PRKCA: variants seen among roughly 807,000 people sequenced by gnomAD.
PRKCA encodes the protein protein kinase C alpha, also known as protein kinase C alpha type.
Under a neutral mutation model 87.0 loss-of-function variants are expected in PRKCA, and 27 were observed. The ratio of observed to expected loss-of-function variants is 0.31; its 90% CI spans 0.23 to 0.43. PRKCA has a LOEUF of 0.43. Among genes scored for constraint, PRKCA ranks in the 20% least tolerant of loss-of-function variants. PRKCA has a pLI of 1.00. For missense variants in PRKCA, 518 were observed against 852.3 expected (o/e 0.61, Z 4.88); for synonymous variants, 329 against 311.1 (o/e 1.06, Z -0.61).
At chr17:66,576,854 C>T (rs1013538224) in intron 3 of PRKCA, among the ~76,000 whole-genome samples, 3 of 145,852 alleles carry the variant, frequency 2.1e-5, no homozygotes, top group African/African-American at 7.7e-5. Context: ...TTGTTTTCTC[C>T]GTGGAAAATG....
At chr17:66,739,574 C>A (rs941817206) in intron 11 of PRKCA, among the ~76,000 whole-genome samples, 2 of 152,092 alleles carry the variant, frequency 1.3e-5, no homozygotes, top group African/African-American at 4.8e-5. Context: ...TAGAGACTTG[C>A]GCAGGATACC....
intron 13 of PRKCA, among the ~76,000 whole-genome samples, chr17:66,768,375 C>T (rs1200748606): frequency 6.6e-6 from 1 of 152,088 alleles, no homozygotes; most frequent in Admixed American, 6.5e-5. Context: ...GCATGAGCCA[C>T]TGTGCCTTTC....
intron 3 of PRKCA, among the ~76,000 whole-genome samples, 181 bp from the exon 4 acceptor site, chr17:66,641,174 A>G (rs1971286705): frequency 6.6e-6 from 1 of 151,084 alleles, no homozygotes; most frequent in Non-Finnish European, 1.5e-5. Flanking sequence ...AACAGTAAAT[A>G]TCTAAAATAT....
rs550421508 is a variant in PRKCA at position 66,458,594 on chromosome 17, C to T, written c.206-37607C>T. ...TTCCTGGGCTCAAGCAATCCTCTTGCTTCAGCCTCCCAAGTAGCTGAGACT... is the reference window on the plus strand; with the variant it reads ...TTCCTGGGCTCAAGCAATCCTCTTGTTTCAGCCTCCCAAGTAGCTGAGACT... On this transcript the variant is annotated intron_variant, in intron 2 of 16. Coordinates refer to ENST00000413366, the MANE Select transcript of PRKCA (RefSeq NM_002737.3). Among the ~76,000 whole-genome samples the T allele has an allele frequency of 6.5e-4, 99 of 152,150 alleles. 3 individuals carry two copies. The East Asian group carries it at 0.018, about 27-fold the overall frequency.
intron 8 of PRKCA, among the ~76,000 whole-genome samples, chr17:66,727,358 A>G (rs1973781020): frequency 6.6e-6 from 1 of 152,120 alleles, no homozygotes; most frequent in Non-Finnish European, 1.5e-5. Flanking sequence ...TCCCAGAAAA[A>G]GGTGGAGATT....
intron 5 of PRKCA, among the ~76,000 whole-genome samples, chr17:66,646,257 G>T (rs757319554): frequency 5.3e-5 from 8 of 152,140 alleles, no homozygotes; most frequent in Non-Finnish European, 1.2e-4. Flanking sequence ...TTCTGGGTGG[G>T]CTCTGCCACA....
intron 5 of PRKCA, among the ~76,000 whole-genome samples, chr17:66,650,034 A>T (rs1971551379): frequency 6.6e-6 from 1 of 152,244 alleles, no homozygotes. Context: ...ATAAGCCATC[A>T]CATGCAGAGT....
At chr17:66,713,567 T>C (rs569089509) in intron 8 of PRKCA, among the ~76,000 whole-genome samples, 66 of 152,326 alleles carry the variant, frequency 4.3e-4, no homozygotes, top group African/African-American at 1.5e-3. Context: ...TTGGTGCTTA[T>C]TATGTTTCCT....
rs891907869 is a variant in PRKCA, at chr17:66,391,762, G to A, written c.205+85635G>A. Among the ~76,000 whole-genome samples, 5 of 152,194 alleles carry A rather than the reference G, an allele frequency of 3.3e-5. No individual in the cohort carries two copies. In the South Asian group the frequency reaches 8.3e-4, roughly 25 times the overall value. The stretch of plus-strand genomic sequence containing the variant: ...GCAATGAACACTTGGGTATTCCTCT[G>A]TCTGGATCCAGCAACTGTTAACAAC... On this transcript the variant is annotated intron_variant, in intron 2 of 16. Coordinates refer to ENST00000413366, the MANE Select transcript of PRKCA (RefSeq NM_002737.3).
chr17:66,713,231 T>C lies in PRKCA; in HGVS notation c.919-19457T>C, dbSNP rs118171736. Among the ~76,000 whole-genome samples the C allele has an allele frequency of 3.0e-3, 454 of 152,104 alleles. 16 individuals are homozygous for C. In the East Asian group the frequency reaches 0.062, roughly 21 times the overall value. On this transcript the variant is annotated intron_variant, in intron 8 of 16. Coordinates refer to ENST00000413366, the MANE Select transcript of PRKCA (RefSeq NM_002737.3). ...CATGCCCGGCCAATTTTTTTACTTT[T>C]TGTAAAGAAGGGGTTTCACCATATT...
intron 3 of PRKCA, among the ~76,000 whole-genome samples, chr17:66,519,032 T>A (rs1335058302): frequency 3.9e-5 from 6 of 152,140 alleles, no homozygotes; most frequent in African/African-American, 1.4e-4. Context: ...TTGACACCCA[T>A]AAACACTACA....
At chr17:66,775,671 C>G (rs1568026897) in intron 14 of PRKCA, 1 of 985,346 alleles carries the variant, frequency 1.0e-6, no homozygotes, top group Admixed American at 6.1e-5. Flanking sequence ...GACAGAGCCA[C>G]CCCCAAAGAC....
At chr17:66,376,120 A>G (rs926995514) in intron 2 of PRKCA, among the ~76,000 whole-genome samples, 2 of 152,186 alleles carry the variant, frequency 1.3e-5, no homozygotes, top group African/African-American at 4.8e-5. Context: ...TGATGGAAAC[A>G]CTGTTTCCTA....
intron 11 of PRKCA, 138 bp from the exon 12 acceptor site, chr17:66,741,521 G>A (rs1052250782): frequency 5.0e-6 from 4 of 800,464 alleles, no homozygotes; most frequent in Non-Finnish European, 8.0e-6. Context: ...ACCGGGGGTT[G>A]GAAGAACACG....
At chr17:66,475,478 T>C (rs1915500858) in intron 2 of PRKCA, among the ~76,000 whole-genome samples, 1 of 152,192 alleles carries the variant, frequency 6.6e-6, no homozygotes, top group South Asian at 2.1e-4. Flanking sequence ...TGATCGCTAT[T>C]AGCTTGGTCC....
At chr17:66,587,985 TG>T (rs1969676495) in intron 3 of PRKCA, among the ~76,000 whole-genome samples, 1 of 149,636 alleles carries the variant, frequency 6.7e-6, no homozygotes, top group South Asian at 2.1e-4. Context: ...CCCCTAGGTC[TG>T]GGGTGTACTC....
intron 2 of PRKCA, among the ~76,000 whole-genome samples, chr17:66,445,593 ACT>A (rs1413021918): frequency 6.6e-6 from 1 of 152,122 alleles, no homozygotes; most frequent in Non-Finnish European, 1.5e-5. Context: ...TCGTGGCCTT[ACT>A]TGTGGCTAGG....
intron 5 of PRKCA, among the ~76,000 whole-genome samples, chr17:66,646,990 G>A (rs1228626869): frequency 6.6e-6 from 1 of 152,180 alleles, no homozygotes. Context: ...TTGGGGCTGT[G>A]ATTGTCACCT....
chr17:66,387,004 C>G (rs537331826), intron 2 of PRKCA, among the ~76,000 whole-genome samples: 20 of 152,310 alleles, frequency 1.3e-4, no homozygotes, highest in African/African-American at 4.8e-4. Flanking sequence ...TTGAGTTTCT[C>G]TCTTGCAACA....
Sources: gnomAD v4.1 joint callset for allele counts (sites outside exome capture counted in the v4.1 genomes callset) on GRCh38, gnomAD v4.1.1 for gene constraint, MANE v1.5 for transcripts, NCBI Gene and HGNC (gene_info 2026-07-23, HGNC 2026-07-21) for gene names.